ERP27: variants seen among roughly 807,000 people sequenced by gnomAD.
ERP27 encodes endoplasmic reticulum protein 27, also known as endoplasmic reticulum resident protein 27.
A neutral mutation model predicts 27.7 loss-of-function variants in ERP27; 23 were observed. The ratio of observed to expected loss-of-function variants is 0.83; its 90% CI spans 0.60 to 1.18. The LOEUF (loss-of-function observed/expected upper bound fraction) is 1.18, where lower values mean the gene tolerates loss of function less well. Ranked by LOEUF, ERP27 falls within the 50% of genes most tolerant of loss-of-function variation. ERP27 has a pLI of 0.00. For missense variants in ERP27, 363 were observed against 327.9 expected (o/e 1.11, Z -0.83); for synonymous variants, 159 against 118.3 (o/e 1.34, Z -2.23).
At chr12:14,921,078 T>C in intron 3 of ERP27, 30 bp from the exon 4 acceptor site, 1 of 1,566,620 alleles carries the variant, frequency 6.4e-7, no homozygotes, top group Non-Finnish European at 8.8e-7. Flanking sequence ...ATGAAGTCAC[T>C]ATTCCATCTT....
chr12:14,926,269 A>G (rs1193943190), intron 3 of ERP27, among the ~76,000 whole-genome samples: 1 of 152,038 alleles, frequency 6.6e-6, no homozygotes, highest in African/African-American at 2.4e-5. Context: ...TGTTGCCTAA[A>G]AGTCTACTTT....
chr12:14,923,135 A>G (rs1345112838), intron 3 of ERP27, among the ~76,000 whole-genome samples: 2 of 151,734 alleles, frequency 1.3e-5, no homozygotes, highest in African/African-American at 4.8e-5. Flanking sequence ...TCTAAAGTGA[A>G]TATTAAAGTC....
At position 14,917,211 on chromosome 12, in the gene ERP27, T is replaced by C; in HGVS notation, c.543A>G (p.Arg181=). The change falls in exon 5 of 7, where the codon AGA becomes AGG. Residue 181 remains arginine (R), a synonymous_variant. Coordinates refer to ENST00000266397, the MANE Select transcript of ERP27 (RefSeq NM_152321.4). ...GGAAGAGCTTGGCTGCCTTCTGGTA[T>C]CTGTGCATGTTCTCTTCATACTCTG... ...ASPEYEENMH[R]YQKAAKLFQG... 1 of 1,614,184 alleles carries C rather than the reference T, an allele frequency of 6.2e-7. No individual in the cohort carries two copies. The highest frequency in any genetic ancestry group is 8.5e-7 in the Non-Finnish European group (1 of 1,180,012).
intron 4 of ERP27, among the ~76,000 whole-genome samples, chr12:14,918,238 CCATGCTCTTGAT>C (rs1418206400): frequency 6.6e-6 from 1 of 152,172 alleles, no homozygotes; most frequent in African/African-American, 2.4e-5. Context: ...GCTCCAGAGT[CCATGCTCTTGAT>C]CATCAGGATG....
chr12:14,931,104 T>A (rs1863690431), intron 3 of ERP27, among the ~76,000 whole-genome samples: 1 of 152,216 alleles, frequency 6.6e-6, no homozygotes, highest in South Asian at 2.1e-4. Flanking sequence ...GAATCAGACA[T>A]CTGTTACTTC....
At chr12:14,938,335 C>T in intron 1 of ERP27, 80 bp downstream of exon 1, 16 of 1,421,004 alleles carry the variant, frequency 1.1e-5, no homozygotes, top group East Asian at 2.3e-5. Flanking sequence ...AGGAAAAGTA[C>T]CCAGAGAACC....
At chr12:14,934,264 T>TC (rs1863740524) in intron 3 of ERP27, among the ~76,000 whole-genome samples, 1 of 152,180 alleles carries the variant, frequency 6.6e-6, no homozygotes, top group Admixed American at 6.5e-5. Context: ...TTCTTTTTTT[T>TC]CAGAATTCCC....
At chr12:14,929,227 G>A in intron 3 of ERP27, 1 of 1,047,452 alleles carries the variant, frequency 9.5e-7, no homozygotes, top group Non-Finnish European at 1.2e-6. Flanking sequence ...GGGTGTTTCT[G>A]GACTTAAAGA....
At chr12:14,936,316 G>A (rs111627416) in intron 2 of ERP27, among the ~76,000 whole-genome samples, 1 of 152,196 alleles carries the variant, frequency 6.6e-6, no homozygotes, top group Admixed American at 6.5e-5. Flanking sequence ...CTTTGCACAT[G>A]AAGATGCTGT....
chr12:14,928,425 C>A (rs924112984), intron 3 of ERP27, among the ~76,000 whole-genome samples: 3 of 152,156 alleles, frequency 2.0e-5, no homozygotes, highest in Admixed American at 6.5e-5. Context: ...GCAATAAGAA[C>A]TCTGGAGATG....
intron 3 of ERP27, among the ~76,000 whole-genome samples, chr12:14,922,607 A>G (rs1380393850): frequency 6.6e-6 from 1 of 152,170 alleles, no homozygotes; most frequent in Admixed American, 6.5e-5. Context: ...GGTAATTTAA[A>G]CATAGTTAAA....
At chr12:14,923,091 AAT>A (rs1368457278) in intron 3 of ERP27, among the ~76,000 whole-genome samples, 13 of 138,356 alleles carry the variant, frequency 9.4e-5, no homozygotes, top group African/African-American at 2.6e-4. Context: ...AAAAAAAAAA[AAT>A]GCTAAGATCC....
intron 3 of ERP27, 127 bp downstream of exon 3, chr12:14,934,729 A>G: frequency 8.4e-7 from 1 of 1,185,098 alleles, no homozygotes; most frequent in East Asian, 2.5e-5. Flanking sequence ...ATCCTTGTCA[A>G]CAATGTCCCT....
At chr12:14,916,771 T>C (rs1376289478) in intron 5 of ERP27, among the ~76,000 whole-genome samples, 1 of 151,932 alleles carries the variant, frequency 6.6e-6, no homozygotes, top group Non-Finnish European at 1.5e-5. Flanking sequence ...AAGAAAGAAA[T>C]ATTCATTGTA....
intron 4 of ERP27, among the ~76,000 whole-genome samples, chr12:14,917,960 A>G (rs1365292879): frequency 2.6e-5 from 4 of 152,254 alleles, no homozygotes; most frequent in Non-Finnish European, 5.9e-5. Flanking sequence ...TACACTATGT[A>G]ACATATTAGT....
intron 3 of ERP27, among the ~76,000 whole-genome samples, chr12:14,933,422 AG>A (rs955108833): frequency 1.2e-4 from 19 of 152,150 alleles, no homozygotes; most frequent in African/African-American, 4.6e-4. Flanking sequence ...AGACCTAAAA[AG>A]GGTTCATTGA....
At position 14,938,030 on chromosome 12, in the gene ERP27, T is replaced by C. The variant is rs544762408; in HGVS notation, c.117A>G (p.Glu39=). Residue 39 remains glutamate, a synonymous_variant, in exon 2 of 7, where the codon GAA becomes GAG. Transcript: ENST00000266397. The part of the protein sequence containing the change: ...KSSDGPGAAQ[E]PTWLTDVPAA... ...CTGGGACATCTGTGAGCCACGTGGG[T>C]TCCTGGGCAGCACCAGGACCATCTA... 2.5e-6 allele frequency: 4 copies of C among 1,614,066 alleles called. No homozygotes were observed. Among genetic ancestry groups the C allele is most frequent in the African/African-American group, 1.3e-5 (1 of 75,010 alleles).
chr12:14,935,614 A>T (rs1261531216), intron 2 of ERP27, among the ~76,000 whole-genome samples: 1 of 152,180 alleles, frequency 6.6e-6, no homozygotes, highest in Non-Finnish European at 1.5e-5. Context: ...TTCCTGAGAC[A>T]CTTGCTGGGG....
intron 6 of ERP27, 43 bp downstream of exon 6, chr12:14,915,446 A>G: frequency 6.3e-7 from 1 of 1,591,866 alleles, no homozygotes; most frequent in Non-Finnish European, 8.6e-7. Context: ...TAAAAGGGAC[A>G]TAGAAAGAAA....
Sources: allele counts gnomAD v4.1 joint callset (sites outside exome capture counted in the v4.1 genomes callset), GRCh38; gene constraint gnomAD v4.1.1; transcripts MANE v1.5; gene names NCBI Gene and HGNC (gene_info 2026-07-23, HGNC 2026-07-21).